The following ADD3 variants were observed in gnomAD, a reference collection of about 807,000 sequenced individuals.
ADD3 encodes the protein adducin 3.
ADD3 carries 25 observed loss-of-function variants against 80.2 expected under a neutral mutation model. That is an observed-to-expected ratio of 0.31 (90% CI 0.23 to 0.44). ADD3 has a LOEUF of 0.44. ADD3 is among the 20% of genes least tolerant of loss of function. The pLI is 1.00. For missense variants in ADD3, 829 were observed against 847.5 expected, an observed-to-expected ratio of 0.98 and a Z score of 0.27; for synonymous variants, 284 against 289.6, an observed-to-expected ratio of 0.98 and a Z score of 0.20.
At chr10:110,081,659 A>G (rs1846072680) in intron 1 of ADD3, among the ~76,000 whole-genome samples, 1 of 152,158 alleles carries the variant, frequency 6.6e-6, no homozygotes, top group African/African-American at 2.4e-5. Context: ...ATTTTTGTCT[A>G]CTAAAACGTA....
Position 110,100,625 on chromosome 10 carries a change from A to T in ADD3, c.-29A>T, listed in dbSNP as rs775676054. On this transcript the variant is annotated splice_region_variant and 5_prime_UTR_variant, in exon 2 of 15. Transcript: ENST00000356080. Reference sequence around the variant, plus strand: ...TCCTTCTTTGTGTTTATTAATGCAGATAACAAGAGTAATCCACAGACTTAA... The same window carrying T: ...TCCTTCTTTGTGTTTATTAATGCAGTTAACAAGAGTAATCCACAGACTTAA... The T allele has an allele frequency of 6.6e-7, 1 of 1,523,496 alleles. No homozygotes were observed. Among genetic ancestry groups the T allele is most frequent in the Non-Finnish European group, 8.8e-7 (1 of 1,138,006 alleles). 94.4% of individuals were successfully genotyped at this position (1,523,496 alleles called of 1,614,324 possible).
intron 1 of ADD3, among the ~76,000 whole-genome samples, chr10:110,042,800 A>G (rs1287226578): frequency 1.3e-5 from 2 of 151,220 alleles, no homozygotes; most frequent in African/African-American, 4.9e-5. Flanking sequence ...CAGTTATTTC[A>G]TGAGAAAGTT....
intron 1 of ADD3, among the ~76,000 whole-genome samples, chr10:110,061,949 A>G (rs574107165): frequency 2.2e-4 from 34 of 152,192 alleles, no homozygotes; most frequent in African/African-American, 7.7e-4. Flanking sequence ...TGGCCAGGCC[A>G]GACACGGTGG....
chr10:110,084,627 G>A (rs977822748), intron 1 of ADD3, among the ~76,000 whole-genome samples: 2 of 152,160 alleles, frequency 1.3e-5, no homozygotes, highest in African/African-American at 4.8e-5. Context: ...TTCTCCATAT[G>A]AGAAATGAGG....
Position 110,117,328 on chromosome 10 carries a change from G to GTT in ADD3, c.487-6_487-5dup. 6 of 1,420,870 alleles carry GTT rather than the reference G, an allele frequency of 4.2e-6. No individual in the cohort carries two copies. The highest frequency in any genetic ancestry group is 4.9e-6 in the Non-Finnish European group (5 of 1,018,358). The allele number at this position is 1,420,870 out of a possible 1,614,324, so 88.0% of individuals were successfully genotyped here. A position where few individuals can be genotyped will look rare whatever the true frequency, so the allele number is the denominator to read the frequency against. On this transcript the variant is annotated splice_polypyrimidine_tract_variant and intron_variant, in intron 4 of 14. Transcript: ENST00000356080. ...AACCACTTCATAGTAATTCCCTGTT[G>GTT]TTTTTTTTTCCAGGTAAGAATAAGT...
chr10:110,071,560 T>C (rs60970934), intron 1 of ADD3, among the ~76,000 whole-genome samples: 4 of 152,382 alleles, frequency 2.6e-5, no homozygotes, highest in Middle Eastern at 3.4e-3. Flanking sequence ...AAATTATTCA[T>C]GATTGCAGAT....
At chr10:110,093,385 C>A (rs1371477482) in intron 1 of ADD3, among the ~76,000 whole-genome samples, 2 of 152,112 alleles carry the variant, frequency 1.3e-5, no homozygotes, top group Non-Finnish European at 2.9e-5. Flanking sequence ...GGATATTTTT[C>A]TGAGGTTTGT....
intron 1 of ADD3, among the ~76,000 whole-genome samples, chr10:110,054,403 A>G (rs1451649560): frequency 2.6e-5 from 4 of 151,294 alleles, no homozygotes; most frequent in South Asian, 2.1e-4. Flanking sequence ...CTATCACTCA[A>G]CTAGCTGCAA....
Position 110,116,345 on chromosome 10 carries a change from C to G in ADD3, c.421C>G (p.Leu141Val). ...VKGEKLTRCK[L>V]ASLYRLVDLF... ...GGGAGAAAAACTTACTCGCTGTAAACTTGCCAGCCTGTACAGACTTGTAGA... is the reference window on the plus strand; with the variant it reads ...GGGAGAAAAACTTACTCGCTGTAAAGTTGCCAGCCTGTACAGACTTGTAGA... Residue 141 changes from leucine (L) to valine (V), a missense_variant, in exon 4 of 15, where the codon CTT becomes GTT. Coordinates refer to ENST00000356080, the MANE Select transcript of ADD3 (RefSeq NM_016824.5). 1 of 1,614,170 alleles carries G rather than the reference C, an allele frequency of 6.2e-7. No individual in the cohort carries two copies. Among genetic ancestry groups the G allele is most frequent in the Non-Finnish European group, 8.5e-7 (1 of 1,180,002 alleles).
At chr10:110,040,765 A>G (rs1242013847) in intron 1 of ADD3, among the ~76,000 whole-genome samples, 6 of 152,230 alleles carry the variant, frequency 3.9e-5, no homozygotes, top group African/African-American at 1.2e-4. Context: ...CCTGAACTAA[A>G]TCAGTGGACT....
At chr10:110,083,566 G>A (rs1174300605) in intron 1 of ADD3, among the ~76,000 whole-genome samples, 3 of 152,004 alleles carry the variant, frequency 2.0e-5, no homozygotes, top group Non-Finnish European at 4.4e-5. Context: ...AGCAACAATC[G>A]GGGATGGCTT....
chr10:110,021,253 GAAAAT>G (rs1326789403), intron 1 of ADD3, among the ~76,000 whole-genome samples: 1 of 152,178 alleles, frequency 6.6e-6, no homozygotes, highest in Non-Finnish European at 1.5e-5. Context: ...ATCAAAATGT[GAAAAT>G]AAAAATAGTG....
At chr10:110,020,006 G>A (rs1160923870) in intron 1 of ADD3, among the ~76,000 whole-genome samples, 2 of 152,202 alleles carry the variant, frequency 1.3e-5, no homozygotes, top group Non-Finnish European at 1.5e-5. Flanking sequence ...AATGAGCAAG[G>A]ATAGCAACTT....
At position 110,119,269 on chromosome 10, in the gene ADD3, A is replaced by G. The variant is rs55763936; in HGVS notation, c.776A>G (p.Asp259Gly). 1.6e-3 allele frequency: 2,604 copies of G among 1,614,042 alleles called. 6 individuals are homozygous for G. Among genetic ancestry groups the G allele is most frequent in the Non-Finnish European group, 2.1e-3 (2,432 of 1,179,986 alleles). ...TCTCAAGAGTCTCTTCTTCTGGGAGATGTTGCCTATTATGACTACCAAGGG... is the reference window on the plus strand; with the variant it reads ...TCTCAAGAGTCTCTTCTTCTGGGAGGTGTTGCCTATTATGACTACCAAGGG... ...PISQESLLLG[D>G]VAYYDYQGSL... The change falls in exon 7 of 15, where the codon GAT (aspartate) becomes GGT (glycine). Residue 259 changes from aspartate (D) to glycine (G), a missense_variant. Transcript: ENST00000356080.
At chr10:110,044,399 A>G (rs1856700686) in intron 1 of ADD3, among the ~76,000 whole-genome samples, 1 of 152,212 alleles carries the variant, frequency 6.6e-6, no homozygotes, top group Non-Finnish European at 1.5e-5. Flanking sequence ...TGTTTCTAGA[A>G]CTTCATACTT....
intron 1 of ADD3, among the ~76,000 whole-genome samples, chr10:110,052,031 G>A (rs1197760481): frequency 1.3e-5 from 2 of 152,102 alleles, no homozygotes; most frequent in East Asian, 3.9e-4. Context: ...AAGCTCCTGG[G>A]CTTCCCAAGG....
At chr10:110,004,378 C>T (rs1250151605), upstream of ADD3, among the ~76,000 whole-genome samples, 1 of 151,692 alleles carries the variant, frequency 6.6e-6, no homozygotes, top group South Asian at 2.1e-4. Flanking sequence ...ACTAAAAATA[C>T]ATAAAATTAG....
intron 8 of ADD3, among the ~76,000 whole-genome samples, chr10:110,120,119 A>G (rs1851274203): frequency 6.7e-6 from 1 of 149,646 alleles, no homozygotes; most frequent in Non-Finnish European, 1.5e-5. Context: ...ACATGTGCAC[A>G]TTGTGCAGGT....
chr10:110,117,478 A>G lies in ADD3; in HGVS notation c.567+56A>G, dbSNP rs1037728969. On this transcript the variant is annotated intron_variant, in intron 5 of 14. Coordinates refer to ENST00000356080, the MANE Select transcript of ADD3 (RefSeq NM_016824.5). ...CTGAGCTTTCTTTGGCTTTTCTGACAGTTCTTAGCTTTTAGCACAGGACAG... is the reference window on the plus strand; with the variant it reads ...CTGAGCTTTCTTTGGCTTTTCTGACGGTTCTTAGCTTTTAGCACAGGACAG... 16 of 1,061,460 alleles carry G rather than the reference A, an allele frequency of 1.5e-5. No homozygotes were observed. The East Asian group carries it at 3.6e-4, about 24-fold the overall frequency. The allele number at this position is 1,061,460 out of a possible 1,614,324, so 65.8% of individuals were successfully genotyped here.
Sources: gnomAD v4.1 joint callset for allele counts (sites outside exome capture counted in the v4.1 genomes callset) on GRCh38, gnomAD v4.1.1 for gene constraint, MANE v1.5 for transcripts, NCBI Gene and HGNC (gene_info 2026-07-23, HGNC 2026-07-21) for gene names.